The following RABGAP1L variants were observed in gnomAD, a reference collection of about 807,000 sequenced individuals.
The protein encoded by RABGAP1L is rab GTPase-activating protein 1-like.
In RABGAP1L, 63 loss-of-function variants were observed where a neutral mutation model predicts 137.7. That is an observed-to-expected ratio of 0.46 (90% CI 0.37 to 0.56). RABGAP1L has a LOEUF of 0.56. Ranked by LOEUF, RABGAP1L falls within the 20% of genes least tolerant of loss-of-function variation. The probability of loss-of-function intolerance (pLI) is 0.00; values close to 1 mark genes in which losing one functional copy is unlikely to be tolerated. For synonymous variants in RABGAP1L, 431 were observed against 433.7 expected (o/e 0.99, Z 0.08); for missense variants, 1,095 against 1,244.0 (o/e 0.88, Z 1.80).
intron 19 of RABGAP1L, among the ~76,000 whole-genome samples, chr1:174,816,610 G>A (rs1299285998): frequency 6.6e-6 from 1 of 152,006 alleles, no homozygotes; most frequent in Non-Finnish European, 1.5e-5. Flanking sequence ...GTATTTGATT[G>A]GTTTATGATT....
At chr1:174,918,512 G>C (rs987656500) in intron 19 of RABGAP1L, among the ~76,000 whole-genome samples, 1 of 152,210 alleles carries the variant, frequency 6.6e-6, no homozygotes, top group Admixed American at 6.5e-5. Context: ...GCCAGGCATG[G>C]TGGCTCACGC....
intron 11 of RABGAP1L, among the ~76,000 whole-genome samples, chr1:174,354,927 T>A (rs1031788486): frequency 6.6e-6 from 1 of 152,232 alleles, no homozygotes; most frequent in African/African-American, 2.4e-5. Flanking sequence ...ACTCCTTTCC[T>A]CATTTCTTCT....
intron 13 of RABGAP1L, among the ~76,000 whole-genome samples, chr1:174,468,385 C>G (rs2149300784): frequency 6.6e-6 from 1 of 152,202 alleles, no homozygotes; most frequent in South Asian, 2.1e-4. Flanking sequence ...TACACATAGG[C>G]TGATTTCATA....
At chr1:174,327,276 G>A (rs1680513272) in intron 11 of RABGAP1L, among the ~76,000 whole-genome samples, 1 of 151,426 alleles carries the variant, frequency 6.6e-6, no homozygotes, top group Admixed American at 6.6e-5. Context: ...AATTTGCTAA[G>A]GTATAAAAAG....
At chr1:174,801,049 AGCTGCTGGCTTCTGT>A (rs1169334575) in intron 18 of RABGAP1L, among the ~76,000 whole-genome samples, 1 of 152,210 alleles carries the variant, frequency 6.6e-6, no homozygotes, top group Non-Finnish European at 1.5e-5. Context: ...AACAGCTTAA[AGCTGCTGGCTTCTGT>A]GCTGTGAATC....
intron 10 of RABGAP1L, among the ~76,000 whole-genome samples, chr1:174,293,436 A>G (rs1410109797): frequency 6.6e-6 from 1 of 152,234 alleles, no homozygotes; most frequent in African/African-American, 2.4e-5. Context: ...AAGCCTTTCT[A>G]AATGAATGAA....
chr1:174,606,117 C>A (rs1385464582), intron 13 of RABGAP1L, among the ~76,000 whole-genome samples: 1 of 152,116 alleles, frequency 6.6e-6, no homozygotes, highest in Admixed American at 6.6e-5. Context: ...ATTTTTTTGA[C>A]ATTCATGCAT....
intron 14 of RABGAP1L, among the ~76,000 whole-genome samples, chr1:174,647,385 A>T (rs1309524632): frequency 6.6e-6 from 1 of 152,144 alleles, no homozygotes; most frequent in Non-Finnish European, 1.5e-5. Flanking sequence ...ATGCTCCACC[A>T]ATACCTAGTT....
chr1:174,394,504 C>T (rs761723581), intron 13 of RABGAP1L, among the ~76,000 whole-genome samples: 6 of 152,072 alleles, frequency 3.9e-5, no homozygotes, highest in Non-Finnish European at 8.8e-5. Context: ...TATAATTTTA[C>T]AATAACATTA....
At chr1:174,975,121 G>T (rs1670533492) in intron 21 of RABGAP1L, among the ~76,000 whole-genome samples, 1 of 152,256 alleles carries the variant, frequency 6.6e-6, no homozygotes, top group African/African-American at 2.4e-5. Flanking sequence ...CAAGTACTTA[G>T]GGAGCACCTA....
intron 13 of RABGAP1L, among the ~76,000 whole-genome samples, chr1:174,510,887 T>C (rs1180371740): frequency 6.6e-6 from 1 of 152,242 alleles, no homozygotes; most frequent in Non-Finnish European, 1.5e-5. Flanking sequence ...GCAAACTAAT[T>C]TGGTTGTTTT....
intron 11 of RABGAP1L, among the ~76,000 whole-genome samples, chr1:174,328,001 A>ACG (rs1558136378): frequency 8.0e-5 from 10 of 124,886 alleles, no homozygotes; most frequent in African/African-American, 4.1e-4. Context: ...ATATATATAT[A>ACG]TATATATATA....
chr1:174,817,928 TCTTA>T lies in RABGAP1L; in HGVS notation c.2340+5973_2340+5976del, dbSNP rs141823420. Among the ~76,000 whole-genome samples, 794 of 152,294 alleles carry T rather than the reference TCTTA, an allele frequency of 5.2e-3. 8 individuals carry two copies. Among genetic ancestry groups the T allele is most frequent in the African/African-American group, 0.018 (750 of 41,546 alleles). ...GAGAGCCAGCGATAGCACTTAGGAT[TCTTA>T]CTTAAGCAACTTGGTGGAAATCACA... is the stretch of plus-strand genomic sequence containing the variant. On this transcript the variant is annotated intron_variant, in intron 19 of 25. Transcript: ENST00000681986.
Position 174,957,542 on chromosome 1 carries a change from G to C in RABGAP1L, c.2426G>C (p.Arg809Thr). The change falls in exon 20 of 26, where the codon AGA (arginine) becomes ACA (threonine). Residue 809 changes from arginine (R) to threonine (T), a missense_variant. Arg to Thr is a moderately conservative substitution (Grantham distance 71, BLOSUM62 -1). Transcript: ENST00000681986. The part of the protein sequence containing the change: ...SQLQQEDPMD[R>T]YKRENRRLQE... ...CTGCAACAGGAAGACCCAATGGATA[G>C]ATACAAGGTATGAGAAATATGTTGC... The C allele has an allele frequency of 6.2e-7, 1 of 1,601,904 alleles. No homozygotes were observed. The highest frequency in any genetic ancestry group is 8.6e-7 in the Non-Finnish European group (1 of 1,169,090).
intron 18 of RABGAP1L, chr1:174,757,003 A>C: frequency 1.2e-6 from 1 of 805,574 alleles, no homozygotes; most frequent in Non-Finnish European, 2.0e-6. Flanking sequence ...AGGCCTTGTC[A>C]AAGCACCCTT....
intron 7 of RABGAP1L, among the ~76,000 whole-genome samples, chr1:174,267,722 ATACTT>A (rs1674190105): frequency 6.6e-6 from 1 of 152,244 alleles, no homozygotes; most frequent in Admixed American, 6.5e-5. Flanking sequence ...AATAATTAAA[ATACTT>A]TAATTTTTGT....
intron 11 of RABGAP1L, among the ~76,000 whole-genome samples, chr1:174,339,077 A>C (rs557733914): frequency 4.0e-4 from 61 of 152,306 alleles, no homozygotes; most frequent in Middle Eastern, 3.4e-3. Flanking sequence ...ACTTTGGTAC[A>C]TTTTATTATA....
At chr1:174,586,393 G>A (rs561984576) in intron 13 of RABGAP1L, among the ~76,000 whole-genome samples, 1 of 150,314 alleles carries the variant, frequency 6.7e-6, no homozygotes, top group South Asian at 2.2e-4. Flanking sequence ...CCTGTCAGGG[G>A]AGGGTGGGTA....
chr1:174,619,864 G>A (rs931887985), intron 13 of RABGAP1L, among the ~76,000 whole-genome samples: 4 of 152,128 alleles, frequency 2.6e-5, no homozygotes, highest in Non-Finnish European at 5.9e-5. Context: ...AAAGAGTCAG[G>A]ACCCATCAGT....
Sources: gnomAD v4.1 joint callset for allele counts (sites outside exome capture counted in the v4.1 genomes callset) on GRCh38, gnomAD v4.1.1 for gene constraint, MANE v1.5 for transcripts, NCBI Gene and HGNC (gene_info 2026-07-23, HGNC 2026-07-21) for gene names.